Variants in BRAF observed in about 807,000 individuals in gnomAD.
BRAF encodes the protein B-Raf proto-oncogene, serine/threonine kinase, also known as serine/threonine-protein kinase B-raf.
In BRAF, 16 loss-of-function variants were observed where a neutral mutation model predicts 104.6. That is an observed-to-expected ratio of 0.15 (90% CI 0.10 to 0.23). The LOEUF is 0.23. Among genes scored for constraint, BRAF ranks in the 10% least tolerant of loss-of-function variants. The pLI is 1.00. For synonymous variants in BRAF, 310 were observed against 341.6 expected (o/e 0.91, Z 1.02); for missense variants, 541 against 937.3 (o/e 0.58, Z 5.52).
chr7:140,873,027 G>T (rs1586488075), intron 1 of BRAF, among the ~76,000 whole-genome samples: 1 of 152,042 alleles, frequency 6.6e-6, no homozygotes, highest in Non-Finnish European at 1.5e-5. Flanking sequence ...ACTACTTCTG[G>T]CATGATGAAA....
At chr7:140,890,160 T>C (rs747301258) in intron 1 of BRAF, among the ~76,000 whole-genome samples, 32 of 152,206 alleles carry the variant, frequency 2.1e-4, no homozygotes, top group Non-Finnish European at 7.3e-5. Flanking sequence ...ACAAACTTCA[T>C]AGATTTGACC....
intron 14 of BRAF, among the ~76,000 whole-genome samples, chr7:140,766,824 A>G (rs761751462): frequency 6.6e-6 from 1 of 152,070 alleles, no homozygotes; most frequent in Non-Finnish European, 1.5e-5. Context: ...TGCTTGGATT[A>G]CAAGTGTGAG....
In BRAF at chr7:140,721,139, CTCG is replaced by C. The variant is rs1489284025; in HGVS notation, c.*5352_*5354del. The C allele has an allele frequency of 6.3e-5, 67 of 1,063,192 alleles. No homozygotes were observed. The highest frequency in any genetic ancestry group is 7.4e-5 in the Non-Finnish European group (65 of 877,524). 65.9% of individuals were successfully genotyped at this position (1,063,192 alleles called of 1,614,324 possible). A position where few individuals can be genotyped will look rare whatever the true frequency, so the allele number is the denominator to read the frequency against. On this transcript the variant is annotated 3_prime_UTR_variant, in exon 20 of 20. Coordinates refer to ENST00000644969, the MANE Select transcript of BRAF (RefSeq NM_001374258.1). The stretch of plus-strand genomic sequence containing the variant: ...TACATTGGCTGTGTCCTCATACACA[CTCG>C]TCAAGTCACTATAATTATTCAAAAT...
downstream of BRAF, among the ~76,000 whole-genome samples, chr7:140,716,598 TA>T (rs1278697898): frequency 6.6e-6 from 1 of 152,198 alleles, no homozygotes. Context: ...ACATTTACAG[TA>T]TCTGTTCCTC....
intron 1 of BRAF, among the ~76,000 whole-genome samples, chr7:140,887,366 G>GGTA: frequency 6.6e-6 from 1 of 152,140 alleles, no homozygotes; most frequent in African/African-American, 2.4e-5. Flanking sequence ...ACTGTAAAAT[G>GGTA]AACATTCATT....
intron 17 of BRAF, chr7:140,741,050 T>C (rs2130907552): frequency 6.6e-6 from 1 of 152,272 alleles, no homozygotes; most frequent in African/African-American, 2.4e-5. Flanking sequence ...GCCAGGAGAA[T>C]GTAAAGCACT....
chr7:140,905,526 A>G (rs143240141), intron 1 of BRAF, among the ~76,000 whole-genome samples: 1,876 of 152,274 alleles, frequency 0.012, 16 homozygotes, highest in Middle Eastern at 0.037. Context: ...TAGGTTTCAG[A>G]TATGTTCCTT....
intron 14 of BRAF, chr7:140,773,250 CTAAG>C (rs1800019026): frequency 6.6e-6 from 1 of 152,164 alleles, no homozygotes; most frequent in Non-Finnish European, 1.5e-5. Flanking sequence ...CTTACTTAGA[CTAAG>C]TGAGGGACTT....
rs10525418 is a variant in BRAF, at chr7:140,798,272, C to CTTTTTTTTTTTTTTTTTTTTT, written c.980+2089_980+2090insAAAAAAAAAAAAAAAAAAAAA. Among the ~76,000 whole-genome samples, 7 of 115,620 alleles carry CTTTTTTTTTTTTTTTTTTTTT rather than the reference C, an allele frequency of 6.1e-5. 1 individual carries two copies. The highest frequency in any genetic ancestry group is 1.8e-4 in the African/African-American group (5 of 28,552). The allele number at this position is 115,620 out of a possible 152,430, so 75.9% of individuals were successfully genotyped here. On this transcript the variant is annotated intron_variant, in intron 7 of 19. Coordinates refer to ENST00000644969, the MANE Select transcript of BRAF (RefSeq NM_001374258.1). ...AATGCTGTATGGGGACTTTTTTTTT[C>CTTTTTTTTTTTTTTTTTTTTT]TTTTTTTTGAGACGGAGTCTTGCTC...
chr7:140,887,662 G>A (rs1436885817), intron 1 of BRAF, among the ~76,000 whole-genome samples: 1 of 152,126 alleles, frequency 6.6e-6, no homozygotes, highest in African/African-American at 2.4e-5. Context: ...GATATAGGTA[G>A]GCTACATTAT....
At chr7:140,893,952 T>A (rs1159417562) in intron 1 of BRAF, among the ~76,000 whole-genome samples, 1 of 152,028 alleles carries the variant, frequency 6.6e-6, no homozygotes, top group East Asian at 1.9e-4. Context: ...GTCAACATGA[T>A]GAAACCCTGC....
chr7:140,828,338 G>C (rs527875128), intron 3 of BRAF, among the ~76,000 whole-genome samples: 2 of 152,236 alleles, frequency 1.3e-5, no homozygotes, highest in Admixed American at 1.3e-4. Context: ...GAGGGTTATA[G>C]TTCAGCGATA....
intron 1 of BRAF, among the ~76,000 whole-genome samples, chr7:140,891,839 C>CTGAAAAAATGCAAGGAT (rs1391656651): frequency 6.6e-6 from 1 of 152,034 alleles, no homozygotes; most frequent in African/African-American, 2.4e-5. Context: ...GGAAACAACC[C>CTGAAAAAATGCAAGGAT]TGAAAAAATG....
chr7:140,866,276 T>A (rs781474487), intron 1 of BRAF, among the ~76,000 whole-genome samples: 4 of 152,242 alleles, frequency 2.6e-5, no homozygotes, highest in Non-Finnish European at 4.4e-5. Context: ...CAACTCCTGG[T>A]CATAACTTTC....
At chr7:140,829,749 C>T (rs1336480098) in intron 3 of BRAF, among the ~76,000 whole-genome samples, 1 of 152,134 alleles carries the variant, frequency 6.6e-6, no homozygotes, top group Non-Finnish European at 1.5e-5. Flanking sequence ...TTTCAACTTT[C>T]GAATTATACA....
chr7:140,724,205 G>A lies in BRAF; in HGVS notation c.*2289C>T. On this transcript the variant is annotated 3_prime_UTR_variant, in exon 20 of 20. Coordinates refer to ENST00000644969, the MANE Select transcript of BRAF (RefSeq NM_001374258.1). The stretch of plus-strand genomic sequence containing the variant: ...CTTCCTCCCTAATGGTACCGCCCCT[G>A]CCCCTGCCCCACGGAGGCAGTCCCG... 9.5e-7 allele frequency: 1 copy of A among 1,057,344 alleles called. No homozygotes were observed. Among genetic ancestry groups the A allele is most frequent in the Non-Finnish European group, 1.1e-6 (1 of 874,368 alleles). 65.5% of individuals were successfully genotyped at this position (1,057,344 alleles called of 1,614,324 possible). A position where few individuals can be genotyped will look rare whatever the true frequency, so the allele number is the denominator to read the frequency against.
chr7:140,918,577 A>G (rs1056028108), intron 1 of BRAF, among the ~76,000 whole-genome samples: 10 of 152,300 alleles, frequency 6.6e-5, no homozygotes, highest in Admixed American at 5.2e-4. Flanking sequence ...TAACCTCTGA[A>G]GAAGGTCCTT....
Position 140,725,780 on chromosome 7 carries a change from T to C in BRAF, c.*714A>G. On this transcript the variant is annotated 3_prime_UTR_variant, in exon 20 of 20. Coordinates refer to ENST00000644969, the MANE Select transcript of BRAF (RefSeq NM_001374258.1). Reference sequence around the variant, plus strand: ...CAATGTGTGCCAGCACTATCTAGCCTGCTTGGTTAGACAGACCCCTCAGTG... The same window carrying C: ...CAATGTGTGCCAGCACTATCTAGCCCGCTTGGTTAGACAGACCCCTCAGTG... The C allele has an allele frequency of 9.4e-7, 1 of 1,062,282 alleles. No homozygotes were observed. The highest frequency in any genetic ancestry group is 1.1e-6 in the Non-Finnish European group (1 of 877,612). 65.8% of individuals were successfully genotyped at this position (1,062,282 alleles called of 1,614,324 possible).
In BRAF at chr7:140,720,443, G is replaced by A. The variant is rs773208864; in HGVS notation, c.*6051C>T. 67 of 1,062,620 alleles carry A rather than the reference G, an allele frequency of 6.3e-5. No homozygotes were observed. Among genetic ancestry groups the A allele is most frequent in the Non-Finnish European group, 7.2e-5 (63 of 877,792 alleles). 65.8% of individuals were successfully genotyped at this position (1,062,620 alleles called of 1,614,324 possible). A position where few individuals can be genotyped will look rare whatever the true frequency, so the allele number is the denominator to read the frequency against. On this transcript the variant is annotated 3_prime_UTR_variant, in exon 20 of 20. Coordinates refer to ENST00000644969, the MANE Select transcript of BRAF (RefSeq NM_001374258.1). ...TAAGACATAAAGGCTAGCCACTTAC[G>A]TTGGTCATTAACATGAATAAAAAGG...
Sources: allele counts gnomAD v4.1 joint callset (sites outside exome capture counted in the v4.1 genomes callset), GRCh38; gene constraint gnomAD v4.1.1; transcripts MANE v1.5; gene names NCBI Gene and HGNC (gene_info 2026-07-23, HGNC 2026-07-21).